Variants in GABBR1 observed in about 807,000 individuals in gnomAD.
GABBR1 encodes the protein GABA-B receptor, R1 subunit.
GABBR1 carries 35 observed loss-of-function variants against 117.7 expected under a neutral mutation model. The observed-to-expected ratio is 0.30, with a 90% CI of 0.23 to 0.39. The LOEUF is 0.39. Among genes scored for constraint, GABBR1 ranks in the 10% least tolerant of loss-of-function variants. GABBR1 has a pLI of 1.00. For missense variants in GABBR1, 709 were observed against 1,241.8 expected (o/e 0.57, Z 6.45); for synonymous variants, 442 against 486.6 (o/e 0.91, Z 1.21).
At position 29,606,504 on chromosome 6, in the gene GABBR1, A is replaced by T; in HGVS notation, c.2218-20T>A. 1 of 1,557,580 alleles carries T rather than the reference A, an allele frequency of 6.4e-7. No homozygotes were observed. The highest frequency in any genetic ancestry group is 8.9e-7 in the Non-Finnish European group (1 of 1,129,176). On this transcript the variant is annotated intron_variant, in intron 18 of 22. Coordinates refer to ENST00000377034, the MANE Select transcript of GABBR1 (RefSeq NM_001470.4). The surrounding 1 kb of genome is among the most constrained non-coding windows in gnomAD (Gnocchi z 4.5). ...AAATGTCTAGGGCAGAAACAAGGTC[A>T]CAAGAAAGATGGTTGCCAGCCTCCC... is the stretch of plus-strand genomic sequence containing the variant.
Position 29,603,591 on chromosome 6 carries a change from G to C in GABBR1, c.2838C>G (p.Pro946=). Residue 946 remains proline (P), a synonymous_variant, in exon 23 of 23, where the codon CCC becomes CCG. Transcript: ENST00000377034. ...GGLPRGPPEP[P]DRLSCDGSRV... is the part of the protein sequence containing the mutation. ...GACTCCCATCACAGCTAAGCCGGTC[G>C]GGGGGCTCAGGGGGTCCCCTGGGCA... is the stretch of plus-strand genomic sequence containing the variant. 4.4e-6 allele frequency: 7 copies of C among 1,586,594 alleles called. No individual in the cohort carries two copies. Among genetic ancestry groups the C allele is most frequent in the Non-Finnish European group, 6.0e-6 (7 of 1,168,126 alleles).
Position 29,623,839 on chromosome 6 carries a change from A to G in GABBR1, c.792+51T>C, listed in dbSNP as rs745513673. The G allele has an allele frequency of 6.3e-7, 1 of 1,579,762 alleles. No individual in the cohort carries two copies. Among genetic ancestry groups the G allele is most frequent in the East Asian group, 2.2e-5 (1 of 44,578 alleles). ...CCACAATCGCCATCGTCCCTTCAGT[A>G]GAGCTCAAAAGGGAATGACCCCATC... On this transcript the variant is annotated intron_variant, in intron 7 of 22. Transcript: ENST00000377034. This position sits in a 1 kb window ranked among gnomAD's most constrained non-coding sequence, Gnocchi z 6.2.
intron 11 of GABBR1, among the ~76,000 whole-genome samples, chr6:29,617,708 T>C (rs1368941070): frequency 3.3e-5 from 5 of 152,182 alleles, no homozygotes. Flanking sequence ...CCCAAACAGC[T>C]CCCAGTAAAT....
chr6:29,610,610 G>C (rs1043850969), intron 14 of GABBR1, among the ~76,000 whole-genome samples: 9 of 151,996 alleles, frequency 5.9e-5, no homozygotes, highest in Non-Finnish European at 1.2e-4. Flanking sequence ...CAAGACACCA[G>C]GACATCTGGG....
chr6:29,615,250 C>A (rs936091880), intron 11 of GABBR1, among the ~76,000 whole-genome samples: 2 of 150,580 alleles, frequency 1.3e-5, no homozygotes, highest in African/African-American at 4.9e-5. Context: ...TGAGATGACG[C>A]CACTACACTC....
chr6:29,616,846 CA>C (rs28383807), intron 11 of GABBR1, among the ~76,000 whole-genome samples: 8,050 of 74,390 alleles, frequency 0.11, 241 homozygotes, highest in South Asian at 0.22. Flanking sequence ...TACTCTACCT[CA>C]AAAAAAAAAA....
In GABBR1 at chr6:29,604,637, T is replaced by C; in HGVS notation, c.2569A>G (p.Met857Val). The C allele has an allele frequency of 1.9e-6, 3 of 1,613,152 alleles. No homozygotes were observed. In the South Asian group the frequency reaches 3.3e-5, roughly 18 times the overall value. ...ITLVVLFVPK[M>V]RRLITRGEWQ... is the part of the protein sequence containing the mutation. ...TCCCCTCGGGTGATCAGCCTGCGCA[T>C]CTGGGGGCAAATGTTTGGGCGTGGG... The change falls in exon 22 of 23, where the codon ATG becomes GTG. Residue 857 changes from methionine (M) to valine (V), a missense_variant and splice_region_variant. This residue lies in a region of GABBR1 where 251 missense variants were observed against 445.3 expected (regional missense o/e 0.56). Transcript: ENST00000377034. This position sits in a 1 kb window ranked among gnomAD's most constrained non-coding sequence, Gnocchi z 5.3.
rs565465963 is a variant in GABBR1, at chr6:29,604,730, G to C, written c.2569-93C>G. The C allele has an allele frequency of 6.2e-5, 99 of 1,599,022 alleles. 1 individual carries two copies. In the African/African-American group the frequency reaches 1.3e-3, roughly 20 times the overall value. On this transcript the variant is annotated intron_variant, in intron 21 of 22. Coordinates refer to ENST00000377034, the MANE Select transcript of GABBR1 (RefSeq NM_001470.4). The surrounding 1 kb of genome is among the most constrained non-coding windows in gnomAD (Gnocchi z 5.3). Reference sequence around the variant, plus strand: ...TTGGAGGTGGAAGGAATGCTGATAAGAGTTGGGCCCAAAACAAGGGGAGGA... The same window carrying C: ...TTGGAGGTGGAAGGAATGCTGATAACAGTTGGGCCCAAAACAAGGGGAGGA...
rs1456805377 is a variant in GABBR1, at chr6:29,603,229, G to C, written c.*314C>G. 1 of 566,612 alleles carries C rather than the reference G, an allele frequency of 1.8e-6. No individual in the cohort carries two copies. Among genetic ancestry groups the C allele is most frequent in the South Asian group, 1.5e-5 (1 of 65,582 alleles). 35.1% of individuals were successfully genotyped at this position (566,612 alleles called of 1,614,324 possible). A position where few individuals can be genotyped will look rare whatever the true frequency, so the allele number is the denominator to read the frequency against. On this transcript the variant is annotated 3_prime_UTR_variant, in exon 23 of 23. Transcript: ENST00000377034. ...GTAACTAGAAGAGGGTGTTGCATGGGAAGAGAAAGATGCAGTGAGGCTGCT... is the reference window on the plus strand; with the variant it reads ...GTAACTAGAAGAGGGTGTTGCATGGCAAGAGAAAGATGCAGTGAGGCTGCT...
rs1394972928 is a variant in GABBR1 at position 29,603,446 on chromosome 6, T to C, written c.*97A>G. The stretch of plus-strand genomic sequence containing the variant: ...GAGATGAGATTGGATAGCATGTTCT[T>C]CCCAGCTGGGGATGGGGACCCCCTG... On this transcript the variant is annotated 3_prime_UTR_variant, in exon 23 of 23. Transcript: ENST00000377034. 1 of 1,008,058 alleles carries C rather than the reference T, an allele frequency of 9.9e-7. No individual in the cohort carries two copies. The highest frequency in any genetic ancestry group is 2.0e-5 in the Admixed American group (1 of 50,322). 62.4% of individuals were successfully genotyped at this position (1,008,058 alleles called of 1,614,324 possible). A position where few individuals can be genotyped will look rare whatever the true frequency, so the allele number is the denominator to read the frequency against.
Position 29,627,778 on chromosome 6 carries a change from GC to G in GABBR1, c.497-133del. 6.9e-7 allele frequency: 1 copy of G among 1,458,688 alleles called. No individual in the cohort carries two copies. The highest frequency in any genetic ancestry group is 2.7e-5 in the Admixed American group (1 of 37,026). The allele number at this position is 1,458,688 out of a possible 1,614,324, so 90.4% of individuals were successfully genotyped here. ...TGGCCACCCCACCCGGGCAAAAGGG[GC>G]CCCGGGCCCCATGGCGTGGGGGGCA... is the stretch of plus-strand genomic sequence containing the variant. On this transcript the variant is annotated intron_variant, in intron 5 of 22. Transcript: ENST00000377034. This position sits in a 1 kb window ranked among gnomAD's most constrained non-coding sequence, Gnocchi z 4.4.
rs1226109476 is a variant in GABBR1 at position 29,620,930 on chromosome 6, A to C, written c.1323+171T>G. ...CTCTCTACCCAAGGAAGTCAGAGCAAAGGTAGGATCCACAGGAAACATAAT... is the reference window on the plus strand; with the variant it reads ...CTCTCTACCCAAGGAAGTCAGAGCACAGGTAGGATCCACAGGAAACATAAT... On this transcript the variant is annotated intron_variant, in intron 11 of 22. Transcript: ENST00000377034. The surrounding 1 kb of genome is among the most constrained non-coding windows in gnomAD (Gnocchi z 4.5). 2.0e-5 allele frequency among the ~76,000 whole-genome samples: 3 copies of C among 151,944 alleles called. No individual in the cohort carries two copies. Among genetic ancestry groups the C allele is most frequent in the Non-Finnish European group, 4.4e-5 (3 of 67,998 alleles).
At chr6:29,612,663 T>A (rs1030361492) in intron 12 of GABBR1, 49 bp from the exon 13 acceptor site, 19 of 1,480,704 alleles carry the variant, frequency 1.3e-5, no homozygotes, top group Non-Finnish European at 1.8e-5. Context: ...AAAGCAAGAG[T>A]GAAAGAGAAC....
Position 29,632,592 on chromosome 6 carries a change from C to T in GABBR1, c.1-207G>A. ...GAGAAAGCCTGTCCCCACCCTCCTCCTGCCTCCCTCGGCCCCCAACCCTCC... is the reference window on the plus strand; with the variant it reads ...GAGAAAGCCTGTCCCCACCCTCCTCTTGCCTCCCTCGGCCCCCAACCCTCC... On this transcript the variant is annotated intron_variant, in intron 1 of 22. Transcript: ENST00000377034. This position sits in a 1 kb window ranked among gnomAD's most constrained non-coding sequence, Gnocchi z 5.8. 8.9e-7 allele frequency: 1 copy of T among 1,119,544 alleles called. No individual in the cohort carries two copies. The highest frequency in any genetic ancestry group is 1.2e-6 in the Non-Finnish European group (1 of 815,566). The allele number at this position is 1,119,544 out of a possible 1,614,324, so 69.4% of individuals were successfully genotyped here. A position where few individuals can be genotyped will look rare whatever the true frequency, so the allele number is the denominator to read the frequency against.
chr6:29,631,309 A>C lies in GABBR1; in HGVS notation c.289+87T>G. On this transcript the variant is annotated intron_variant, in intron 3 of 22. Coordinates refer to ENST00000377034, the MANE Select transcript of GABBR1 (RefSeq NM_001470.4). This position sits in a 1 kb window ranked among gnomAD's most constrained non-coding sequence, Gnocchi z 5.9. ...TGTGAATTTTGGTATACTGGATTTA[A>C]AGTGCTGACTTGCAAGCAGTAATGC... 1.5e-6 allele frequency: 2 copies of C among 1,315,482 alleles called. No individual in the cohort carries two copies. Among genetic ancestry groups the C allele is most frequent in the South Asian group, 2.4e-5 (2 of 82,694 alleles). The allele number at this position is 1,315,482 out of a possible 1,614,324, so 81.5% of individuals were successfully genotyped here.
rs1329123633 is a variant in GABBR1, at chr6:29,627,823, C to T, written c.497-177G>A. The T allele has an allele frequency of 2.1e-6, 3 of 1,418,626 alleles. No individual in the cohort carries two copies. In the Admixed American group the frequency reaches 9.0e-5, roughly 43 times the overall value. The allele number at this position is 1,418,626 out of a possible 1,614,324, so 87.9% of individuals were successfully genotyped here. On this transcript the variant is annotated intron_variant, in intron 5 of 22. Coordinates refer to ENST00000377034, the MANE Select transcript of GABBR1 (RefSeq NM_001470.4). This position sits in a 1 kb window ranked among gnomAD's most constrained non-coding sequence, Gnocchi z 4.4. ...GGGGGCAGGGGTAGCTGTTGGGGAG[C>T]GTTAGGAGCTCAGGGGGGACACTTT...
chr6:29,627,391 CCA>C lies in GABBR1; in HGVS notation c.657+93_657+94del. ...CAAGGGAGGGGTCTGCCTCGCAATCCCAGAGACGACTCAGACAGATGGGGGCG... is the reference window on the plus strand; with the variant it reads ...CAAGGGAGGGGTCTGCCTCGCAATCCGAGACGACTCAGACAGATGGGGGCG... On this transcript the variant is annotated intron_variant, in intron 6 of 22. Coordinates refer to ENST00000377034, the MANE Select transcript of GABBR1 (RefSeq NM_001470.4). The surrounding 1 kb of genome is among the most constrained non-coding windows in gnomAD (Gnocchi z 4.4). 1 of 1,303,768 alleles carries C rather than the reference CCA, an allele frequency of 7.7e-7. No homozygotes were observed. The highest frequency in any genetic ancestry group is 1.1e-6 in the Non-Finnish European group (1 of 945,764). 80.8% of individuals were successfully genotyped at this position (1,303,768 alleles called of 1,614,324 possible). A position where few individuals can be genotyped will look rare whatever the true frequency, so the allele number is the denominator to read the frequency against.
At position 29,622,576 on chromosome 6, in the gene GABBR1, GA is replaced by G; in HGVS notation, c.964-372del. On this transcript the variant is annotated intron_variant, in intron 8 of 22. Coordinates refer to ENST00000377034, the MANE Select transcript of GABBR1 (RefSeq NM_001470.4). The surrounding 1 kb of genome is among the most constrained non-coding windows in gnomAD (Gnocchi z 4.6). ...GTCAACCTCAAGAGGCAAATGGGCAGACAGACAAAGGATCAGAGAAGAATGG... is the reference window on the plus strand; with the variant it reads ...GTCAACCTCAAGAGGCAAATGGGCAGCAGACAAAGGATCAGAGAAGAATGG... 2 of 249,880 alleles carry G rather than the reference GA, an allele frequency of 8.0e-6. No homozygotes were observed. The highest frequency in any genetic ancestry group is 1.6e-5 in the Non-Finnish European group (2 of 127,920). The allele number at this position is 249,880 out of a possible 1,614,324, so 15.5% of individuals were successfully genotyped here. A position where few individuals can be genotyped will look rare whatever the true frequency, so the allele number is the denominator to read the frequency against.
At chr6:29,628,021 G>A (rs1225146189) in intron 5 of GABBR1, 6 of 1,282,956 alleles carry the variant, frequency 4.7e-6, no homozygotes, top group Non-Finnish European at 5.9e-6. Flanking sequence ...ACTGACCGAC[G>A]GAGGGGAGGA....
Sources: gnomAD v4.1 joint callset for allele counts (sites outside exome capture counted in the v4.1 genomes callset) on GRCh38, gnomAD v4.1.1 for gene constraint, gnomAD v4.1.1 regional missense constraint, Gnocchi (gnomAD v3.1) non-coding constraint, MANE v1.5 for transcripts, NCBI Gene and HGNC (gene_info 2026-07-23, HGNC 2026-07-21) for gene names.